Variants in ZFR observed in about 807,000 individuals in gnomAD.
ZFR encodes zinc finger RNA-binding protein.
Under a neutral mutation model 130.7 loss-of-function variants are expected in ZFR, and 19 were observed. That is an observed-to-expected ratio of 0.15 (90% CI 0.10 to 0.21). The LOEUF is 0.21. Ranked by LOEUF, ZFR falls within the 10% of genes least tolerant of loss-of-function variation. The probability of loss-of-function intolerance (pLI) is 1.00; values close to 1 mark genes in which losing one functional copy is unlikely to be tolerated. For synonymous variants in ZFR, 466 were observed against 456.9 expected (o/e 1.02, Z -0.25); for missense variants, 872 against 1,321.5 (o/e 0.66, Z 5.27).
chr5:32,407,926 G>C (rs1216261061), intron 5 of ZFR, among the ~76,000 whole-genome samples: 1 of 151,956 alleles, frequency 6.6e-6, no homozygotes, highest in Non-Finnish European at 1.5e-5. Context: ...ACACAGCCTT[G>C]TATCTGTTTT....
intron 3 of ZFR, 89 bp from the exon 4 acceptor site, chr5:32,417,881 A>G (rs1581708055): frequency 1.7e-5 from 21 of 1,224,222 alleles, no homozygotes; most frequent in Non-Finnish European, 2.3e-5. Context: ...AAAGGAAAAC[A>G]AAACACTAAA....
chr5:32,413,232 A>C (rs1315992741), intron 5 of ZFR, among the ~76,000 whole-genome samples: 1 of 151,838 alleles, frequency 6.6e-6, no homozygotes, highest in Non-Finnish European at 1.5e-5. Flanking sequence ...ACAAAACAAA[A>C]CAAAACAAAA....
At chr5:32,374,554 A>C (rs1250476748) in intron 17 of ZFR, among the ~76,000 whole-genome samples, 6 of 152,066 alleles carry the variant, frequency 3.9e-5, no homozygotes. Context: ...GAAGCTATAC[A>C]ATGCCTACAA....
chr5:32,395,659 T>A (rs1027255757), intron 10 of ZFR, among the ~76,000 whole-genome samples: 1 of 152,152 alleles, frequency 6.6e-6, no homozygotes, highest in Non-Finnish European at 1.5e-5. Flanking sequence ...CTGCCACCCC[T>A]GAGAGAGTAA....
intron 2 of ZFR, among the ~76,000 whole-genome samples, chr5:32,443,226 G>A (rs189344276): frequency 5.3e-5 from 8 of 152,256 alleles, no homozygotes; most frequent in South Asian, 2.1e-4. Context: ...TGCGCTTATG[G>A]CCTGAATCAA....
intron 2 of ZFR, among the ~76,000 whole-genome samples, chr5:32,441,463 G>A (rs903968866): frequency 3.3e-5 from 5 of 150,762 alleles, no homozygotes; most frequent in Admixed American, 3.3e-4. Flanking sequence ...TGGAACCTGC[G>A]AATACAAAAA....
chr5:32,375,730 C>A (rs1187736328), intron 17 of ZFR, among the ~76,000 whole-genome samples: 1 of 151,740 alleles, frequency 6.6e-6, no homozygotes, highest in Admixed American at 6.6e-5. Context: ...TGGTCTCCAA[C>A]TCCGGGACTC....
intron 2 of ZFR, among the ~76,000 whole-genome samples, chr5:32,438,456 T>C (rs1458824401): frequency 2.6e-5 from 4 of 151,702 alleles, no homozygotes; most frequent in African/African-American, 9.7e-5. Flanking sequence ...AGAGACGGGG[T>C]TTCTCCATGT....
chr5:32,398,001 G>A (rs188191276), intron 9 of ZFR, among the ~76,000 whole-genome samples: 1 of 151,640 alleles, frequency 6.6e-6, no homozygotes, highest in African/African-American at 2.4e-5. Flanking sequence ...GGGACTACAG[G>A]TGCCCACCAC....
intron 17 of ZFR, among the ~76,000 whole-genome samples, chr5:32,378,694 TA>T (rs1239172354): frequency 1.3e-5 from 2 of 152,136 alleles, no homozygotes; most frequent in African/African-American, 2.4e-5. Flanking sequence ...CTGAATCTCC[TA>T]TTTTTTTTGT....
intron 17 of ZFR, among the ~76,000 whole-genome samples, chr5:32,373,739 T>C (rs1432017322): frequency 6.6e-6 from 1 of 152,200 alleles, no homozygotes; most frequent in Non-Finnish European, 1.5e-5. Flanking sequence ...GAGCGAATTT[T>C]AAATGTCAAA....
chr5:32,398,843 G>A (rs187001024), intron 9 of ZFR, among the ~76,000 whole-genome samples: 2 of 151,914 alleles, frequency 1.3e-5, no homozygotes, highest in East Asian at 3.9e-4. Flanking sequence ...GCAACTACTG[G>A]CCTTGAACTT....
At chr5:32,358,624 C>A (rs992284108) in intron 19 of ZFR, among the ~76,000 whole-genome samples, 1 of 151,572 alleles carries the variant, frequency 6.6e-6, no homozygotes, top group African/African-American at 2.4e-5. Flanking sequence ...GGCGAGACTC[C>A]GTCTCAAAGA....
intron 7 of ZFR, among the ~76,000 whole-genome samples, chr5:32,403,619 C>G (rs1309798946): frequency 2.6e-5 from 4 of 152,092 alleles, no homozygotes; most frequent in African/African-American, 9.7e-5. Flanking sequence ...GGTGAGGAAA[C>G]TGAGGTAGAG....
At position 32,388,559 on chromosome 5, in the gene ZFR, C is replaced by T; in HGVS notation, c.2258G>A (p.Arg753His). The change falls in exon 13 of 20, where the codon CGT (arginine) becomes CAT (histidine). Residue 753 changes from arginine to histidine, a missense_variant. Arg to His is a conservative substitution (Grantham distance 29, BLOSUM62 0). Transcript: ENST00000265069. ...AVQKIVSITE[R>H]ALKLVSDSLS... ...ACTGTCTGAAACGAGTTTTAAAGCA[C>T]GTTCAGTAATAGAAACAATTTTCTG... The T allele has an allele frequency of 1.2e-6, 2 of 1,613,950 alleles. No homozygotes were observed. Among genetic ancestry groups the T allele is most frequent in the Non-Finnish European group, 1.7e-6 (2 of 1,179,940 alleles).
intron 17 of ZFR, among the ~76,000 whole-genome samples, chr5:32,367,205 G>A (rs1752565951): frequency 6.6e-6 from 1 of 152,114 alleles, no homozygotes; most frequent in Non-Finnish European, 1.5e-5. Context: ...AGGTCAAGGT[G>A]GGTGGATCAC....
At chr5:32,442,029 A>G (rs535581394) in intron 2 of ZFR, among the ~76,000 whole-genome samples, 12 of 152,320 alleles carry the variant, frequency 7.9e-5, no homozygotes, top group African/African-American at 1.2e-4. Flanking sequence ...TAAATATTTT[A>G]TCAAAAAATT....
intron 17 of ZFR, among the ~76,000 whole-genome samples, chr5:32,367,004 T>C (rs1397509842): frequency 2.0e-5 from 3 of 151,946 alleles, no homozygotes; most frequent in African/African-American, 7.2e-5. Context: ...CAAGTAATCA[T>C]ACCTCAGTTT....
intron 5 of ZFR, 64 bp downstream of exon 5, chr5:32,414,905 G>A: frequency 7.1e-7 from 1 of 1,407,784 alleles, no homozygotes; most frequent in Non-Finnish European, 9.8e-7. Flanking sequence ...AGACAATCAA[G>A]ATAGTTTCTA....
Sources: allele counts gnomAD v4.1 joint callset (sites outside exome capture counted in the v4.1 genomes callset), GRCh38; gene constraint gnomAD v4.1.1; transcripts MANE v1.5; gene names NCBI Gene and HGNC (gene_info 2026-07-23, HGNC 2026-07-21).